TENM1: variants seen among roughly 807,000 people sequenced by gnomAD.
TENM1 encodes teneurin-1.
Under a neutral mutation model 174.8 loss-of-function variants are expected in TENM1, and 35 were observed. That is an observed-to-expected ratio of 0.20 (90% CI 0.15 to 0.27). The LOEUF is 0.27. Among genes scored for constraint, TENM1 ranks in the 10% least tolerant of loss-of-function variants. TENM1 has a pLI of 1.00. For synonymous variants in TENM1, 781 were observed against 798.7 expected, an observed-to-expected ratio of 0.98 and a Z score of 0.37; for missense variants, 1,633 against 2,130.1, an observed-to-expected ratio of 0.77 and a Z score of 4.59.
the TENM1 span, among the ~76,000 whole-genome samples, chrX:125,200,161 C>A: frequency 9.0e-6 from 1 of 111,200 alleles, no homozygotes; most frequent in Non-Finnish European, 1.9e-5. Flanking sequence ...TAAAAAAAAT[C>A]AATGGAAAAC....
chrX:124,544,444 G>A (rs147090855), intron 15 of TENM1, among the ~76,000 whole-genome samples: 1,296 of 112,235 alleles, frequency 0.012, 11 homozygotes, highest in African/African-American at 0.037. Context: ...TAGAGTTTTT[G>A]TGAGGATTAA....
chrX:124,973,994 T>C, the TENM1 span, among the ~76,000 whole-genome samples: 1 of 111,498 alleles, frequency 9.0e-6, no homozygotes, highest in East Asian at 2.8e-4. Context: ...ATACCTGATG[T>C]AGATGATGAG....
chrX:125,116,048 T>C, the TENM1 span, among the ~76,000 whole-genome samples: 1 of 111,575 alleles, frequency 9.0e-6, no homozygotes, highest in South Asian at 3.7e-4. Flanking sequence ...AAAACAGATA[T>C]ATAGACCAAT....
intron 5 of TENM1, among the ~76,000 whole-genome samples, chrX:124,678,769 C>A (rs1221802753): frequency 9.0e-6 from 1 of 111,015 alleles, no homozygotes; most frequent in Non-Finnish European, 1.9e-5. Flanking sequence ...TTCAAAATAT[C>A]TGAATAAGGA....
intron 23 of TENM1, among the ~76,000 whole-genome samples, chrX:124,451,638 T>C (rs1275638237): frequency 8.9e-6 from 1 of 112,063 alleles, no homozygotes; most frequent in Non-Finnish European, 1.9e-5. Context: ...AAGGCTTCAG[T>C]AACCAAAACA....
At chrX:124,381,414 G>T in intron 31 of TENM1, 120 bp from the exon 35 acceptor site, 1 of 677,738 alleles carries the variant, frequency 1.5e-6, no homozygotes, top group Non-Finnish European at 2.2e-6. Context: ...TTGTCAGTGA[G>T]TGATTTAAAA....
At chrX:124,407,307 C>G (rs921441989) in intron 25 of TENM1, among the ~76,000 whole-genome samples, 4 of 110,941 alleles carry the variant, frequency 3.6e-5, no homozygotes, top group African/African-American at 1.3e-4. Context: ...TGATGTGGAG[C>G]TGTTCTTTTA....
At chrX:125,061,096 C>T in the TENM1 span, among the ~76,000 whole-genome samples, 1 of 103,139 alleles carries the variant, frequency 9.7e-6, no homozygotes, top group East Asian at 2.9e-4. Context: ...TAATTACAAC[C>T]GATTTGAATA....
the TENM1 span, among the ~76,000 whole-genome samples, chrX:125,161,610 A>G: frequency 8.9e-6 from 1 of 111,927 alleles, no homozygotes; most frequent in Non-Finnish European, 1.9e-5. Flanking sequence ...CAAAAAGTAC[A>G]CTAGTGTTTG....
intron 3 of TENM1, among the ~76,000 whole-genome samples, chrX:124,737,885 G>T (rs2053712474): frequency 8.9e-6 from 1 of 112,225 alleles, no homozygotes; most frequent in Non-Finnish European, 1.9e-5. Flanking sequence ...CACCTTTCTA[G>T]GAGCTCTGCC....
At chrX:124,411,747 T>C (rs902947801) in intron 25 of TENM1, 2 of 112,282 alleles carry the variant, frequency 1.8e-5, no homozygotes, top group Non-Finnish European at 3.8e-5. Flanking sequence ...TTTGGAAAGA[T>C]TGCTCAAAGT....
chrX:125,021,853 A>G, the TENM1 span, among the ~76,000 whole-genome samples: 2 of 113,163 alleles, frequency 1.8e-5, no homozygotes, highest in African/African-American at 6.4e-5. Context: ...CTCACAAACC[A>G]TACAGAAATA....
chrX:125,058,599 C>A, the TENM1 span, among the ~76,000 whole-genome samples: 38,418 of 109,841 alleles, frequency 0.35, 6,864 homozygotes, highest in African/African-American at 0.7. Context: ...GTGCATCTGC[C>A]TAATACTCGG....
chrX:124,752,483 G>A (rs2148582331), intron 3 of TENM1, among the ~76,000 whole-genome samples: 2 of 111,542 alleles, frequency 1.8e-5, no homozygotes, highest in South Asian at 7.6e-4. Context: ...CTGTGCAGAA[G>A]CTCTTTAGTT....
At chrX:124,988,771 G>A in the TENM1 span, among the ~76,000 whole-genome samples, 9 of 111,409 alleles carry the variant, frequency 8.1e-5, no homozygotes, top group African/African-American at 2.6e-4. Flanking sequence ...TGCCATTCAC[G>A]TTATGGAGAG....
intron 19 of TENM1, 114 bp from the exon 23 acceptor site, chrX:124,497,379 G>T: frequency 1.3e-6 from 1 of 781,310 alleles, no homozygotes; most frequent in Non-Finnish European, 1.8e-6. Flanking sequence ...CTTTGGCCTG[G>T]CATAAGAGAA....
chrX:125,083,583 A>G, the TENM1 span, among the ~76,000 whole-genome samples: 2,525 of 111,030 alleles, frequency 0.023, 71 homozygotes, highest in African/African-American at 0.076. Flanking sequence ...AAAGTCAAAA[A>G]AACCCCACAT....
At chrX:124,625,187 T>G (rs2148335660) in intron 11 of TENM1, among the ~76,000 whole-genome samples, 1 of 111,735 alleles carries the variant, frequency 8.9e-6, no homozygotes, top group Non-Finnish European at 1.9e-5. Flanking sequence ...CCTTTCATTA[T>G]ACTATAAAAA....
chrX:125,101,903 T>C, the TENM1 span, among the ~76,000 whole-genome samples: 10 of 109,041 alleles, frequency 9.2e-5, no homozygotes, highest in African/African-American at 3.5e-4. Context: ...AGTTATTAAA[T>C]ACCCAATTCT....
Sources: gnomAD v4.1 joint callset for allele counts (sites outside exome capture counted in the v4.1 genomes callset) on GRCh38, gnomAD v4.1.1 for gene constraint, MANE v1.5 for transcripts, NCBI Gene and HGNC (gene_info 2026-07-23, HGNC 2026-07-21) for gene names.